RHOQ: variants seen among roughly 807,000 people sequenced by gnomAD.
The protein encoded by RHOQ is ras homolog family member Q, also known as rho-related GTP-binding protein RhoQ.
RHOQ carries 7 observed loss-of-function variants against 25.8 expected under a neutral mutation model. The ratio of observed to expected loss-of-function variants is 0.27; its 90% CI spans 0.15 to 0.51. The LOEUF (loss-of-function observed/expected upper bound fraction) is 0.51. Among genes scored for constraint, RHOQ ranks in the 20% least tolerant of loss-of-function variants. RHOQ has a pLI of 0.97. For missense variants in RHOQ, 165 were observed against 260.6 expected, an observed-to-expected ratio of 0.63 and a Z score of 2.53; for synonymous variants, 97 against 98.6, an observed-to-expected ratio of 0.98 and a Z score of 0.10.
In RHOQ at chr2:46,576,115, C is replaced by G; in HGVS notation, c.230C>G (p.Ser77Cys). 6.2e-7 allele frequency: 1 copy of G among 1,611,138 alleles called. No individual in the cohort carries two copies. Among genetic ancestry groups the G allele is most frequent in the Non-Finnish European group, 8.5e-7 (1 of 1,179,004 alleles). The change falls in exon 3 of 5, where the codon TCT (serine) becomes TGT (cysteine). Residue 77 changes from serine (S) to cysteine (C), a missense_variant. Transcript: ENST00000238738. This position sits in a 1 kb window ranked among gnomAD's most constrained non-coding sequence, Gnocchi z 5.1. Reference protein sequence around the residue: ...QEDYDRLRPLSYPMTDVFLIC... With the variant: ...QEDYDRLRPLCYPMTDVFLIC... ...GACTATGACCGTCTGAGGCCTTTAT[C>G]TTACCCAATGACCGATGTCTTCCTT...
chr2:46,571,420 T>C (rs979354152), intron 2 of RHOQ, among the ~76,000 whole-genome samples: 3 of 152,232 alleles, frequency 2.0e-5, no homozygotes, highest in African/African-American at 7.2e-5. Context: ...CTGCTGCACA[T>C]TCAAGTGCAT....
chr2:46,568,901 A>T (rs1460271999), intron 2 of RHOQ: 1 of 152,272 alleles, frequency 6.6e-6, no homozygotes, highest in African/African-American at 2.4e-5. Context: ...TATCAACATG[A>T]AATTTGTGCC....
At chr2:46,551,561 G>A (rs1208667738) in intron 2 of RHOQ, among the ~76,000 whole-genome samples, 1 of 152,148 alleles carries the variant, frequency 6.6e-6, no homozygotes, top group East Asian at 1.9e-4. Flanking sequence ...ACTAAATTAT[G>A]GAGTTTTTCA....
Position 46,552,137 on chromosome 2 carries a change from G to A in RHOQ, c.201+8325G>A, listed in dbSNP as rs1668260541. 6.6e-6 allele frequency among the ~76,000 whole-genome samples: 1 copy of A among 152,210 alleles called. No homozygotes were observed. The highest frequency in any genetic ancestry group is 6.5e-5 in the Admixed American group (1 of 15,282). ...TATCGCTTTTCTAGCTAGAAGAGAT[G>A]GTGGAACATTGTGTATAGGTGGAAC... On this transcript the variant is annotated intron_variant, in intron 2 of 4. Transcript: ENST00000238738. This position sits in a 1 kb window ranked among gnomAD's most constrained non-coding sequence, Gnocchi z 5.0.
At chr2:46,553,721 A>C (rs182339274) in intron 2 of RHOQ, among the ~76,000 whole-genome samples, 13 of 150,740 alleles carry the variant, frequency 8.6e-5, no homozygotes, top group African/African-American at 3.2e-4. Flanking sequence ...CTGGGACTAC[A>C]GGTGCCCGCC....
intron 2 of RHOQ, among the ~76,000 whole-genome samples, chr2:46,554,778 T>C (rs1186029868): frequency 6.7e-6 from 1 of 149,478 alleles, no homozygotes; most frequent in Non-Finnish European, 1.5e-5. Flanking sequence ...TTTACATTTT[T>C]TTCTTTCTTT....
At chr2:46,543,870 G>T in intron 2 of RHOQ, 58 bp downstream of exon 2, 1 of 1,507,218 alleles carries the variant, frequency 6.6e-7, no homozygotes, top group Non-Finnish European at 9.2e-7. Flanking sequence ...CTTTGTGGCT[G>T]CGAAGGGCCT....
chr2:46,578,379 TAC>T (rs1425399833), intron 4 of RHOQ, among the ~76,000 whole-genome samples: 1 of 151,704 alleles, frequency 6.6e-6, no homozygotes, highest in Non-Finnish European at 1.5e-5. Flanking sequence ...GGTCAAAGTG[TAC>T]AGTGTTAGGA....
chr2:46,575,444 A>ACAC (rs1491224983), intron 2 of RHOQ, among the ~76,000 whole-genome samples: 2 of 122,142 alleles, frequency 1.6e-5, no homozygotes, highest in Non-Finnish European at 3.8e-5. Flanking sequence ...CACACACACA[A>ACAC]TTAATAAAAC....
chr2:46,571,379 G>A (rs761034231), intron 2 of RHOQ, among the ~76,000 whole-genome samples: 75 of 152,354 alleles, frequency 4.9e-4, no homozygotes, highest in African/African-American at 1.4e-3. Flanking sequence ...TCTGCAAGGC[G>A]CTGGAGTGGT....
chr2:46,552,252 A>G lies in RHOQ; in HGVS notation c.201+8440A>G, dbSNP rs565618241. 6.6e-6 allele frequency among the ~76,000 whole-genome samples: 1 copy of G among 152,336 alleles called. No homozygotes were observed. The highest frequency in any genetic ancestry group is 6.5e-5 in the Admixed American group (1 of 15,302). On this transcript the variant is annotated intron_variant, in intron 2 of 4. Coordinates refer to ENST00000238738, the MANE Select transcript of RHOQ (RefSeq NM_012249.4). The surrounding 1 kb of genome is among the most constrained non-coding windows in gnomAD (Gnocchi z 5.0). Reference sequence around the variant, plus strand: ...TTTGTCACTTTGTCCCTAAACCACCATGCTTCCTCAAAAAGGAGCAGGCCC... The same window carrying G: ...TTTGTCACTTTGTCCCTAAACCACCGTGCTTCCTCAAAAAGGAGCAGGCCC...
At chr2:46,567,784 C>T (rs1668780649) in intron 2 of RHOQ, among the ~76,000 whole-genome samples, 1 of 152,066 alleles carries the variant, frequency 6.6e-6, no homozygotes, top group Admixed American at 6.6e-5. Context: ...AGTCTGAGGG[C>T]CGTGGCTCAT....
intron 2 of RHOQ, among the ~76,000 whole-genome samples, chr2:46,558,556 C>CTT (rs1469125549): frequency 6.6e-6 from 1 of 152,148 alleles, no homozygotes; most frequent in African/African-American, 2.4e-5. Flanking sequence ...CCCATTTTTC[C>CTT]TCTCTGAAAC....
In RHOQ at chr2:46,576,487, A is replaced by T; in HGVS notation, c.367-74A>T. ...ATCTTTTTTTGGTATGTGGGAATTAAGTGGGATTACATGCTTTGATTTTTC... is the reference window on the plus strand; with the variant it reads ...ATCTTTTTTTGGTATGTGGGAATTATGTGGGATTACATGCTTTGATTTTTC... On this transcript the variant is annotated intron_variant, in intron 3 of 4. Transcript: ENST00000238738. The surrounding 1 kb of genome is among the most constrained non-coding windows in gnomAD (Gnocchi z 5.1). The T allele has an allele frequency of 2.1e-6, 2 of 968,606 alleles. No homozygotes were observed. The highest frequency in any genetic ancestry group is 3.1e-6 in the Non-Finnish European group (2 of 638,740). The allele number at this position is 968,606 out of a possible 1,614,324, so 60.0% of individuals were successfully genotyped here.
In RHOQ at chr2:46,556,480, T is replaced by A. The variant is rs1156563858; in HGVS notation, c.201+12668T>A. ...TCTGATATTCTTTTTCTTAAAAAAT[T>A]TTTTTAATTTTTTTTTTTTTGTTCC... On this transcript the variant is annotated intron_variant, in intron 2 of 4. Coordinates refer to ENST00000238738, the MANE Select transcript of RHOQ (RefSeq NM_012249.4). The surrounding 1 kb of genome is among the most constrained non-coding windows in gnomAD (Gnocchi z 4.9). Among the ~76,000 whole-genome samples, 1 of 108,660 alleles carries A rather than the reference T, an allele frequency of 9.2e-6. No homozygotes were observed. The highest frequency in any genetic ancestry group is 2.0e-5 in the Non-Finnish European group (1 of 50,366). 71.3% of individuals were successfully genotyped at this position (108,660 alleles called of 152,430 possible).
At chr2:46,567,042 A>C (rs1045913798) in intron 2 of RHOQ, among the ~76,000 whole-genome samples, 11 of 152,166 alleles carry the variant, frequency 7.2e-5, no homozygotes, top group Admixed American at 1.3e-4. Context: ...CTTTTTACTT[A>C]TCCTCAAATG....
chr2:46,567,649 C>T (rs1332833232), intron 2 of RHOQ, among the ~76,000 whole-genome samples: 2 of 152,108 alleles, frequency 1.3e-5, no homozygotes, highest in Non-Finnish European at 2.9e-5. Flanking sequence ...GTCTCAGCCT[C>T]GCAGAGTGCT....
chr2:46,551,817 A>G (rs1351386706), intron 2 of RHOQ, among the ~76,000 whole-genome samples: 1 of 152,194 alleles, frequency 6.6e-6, no homozygotes, highest in African/African-American at 2.4e-5. Flanking sequence ...TGACATTTTT[A>G]CAGCACATAA....
intron 2 of RHOQ, 103 bp from the exon 3 acceptor site, chr2:46,575,984 G>C: frequency 1.1e-6 from 1 of 874,216 alleles, no homozygotes; most frequent in Non-Finnish European, 1.7e-6. Flanking sequence ...TCCACTAGTG[G>C]AGTACTCCTG....
Sources: gnomAD v4.1 joint callset for allele counts (sites outside exome capture counted in the v4.1 genomes callset) on GRCh38, gnomAD v4.1.1 for gene constraint, Gnocchi (gnomAD v3.1) non-coding constraint, MANE v1.5 for transcripts, NCBI Gene and HGNC (gene_info 2026-07-23, HGNC 2026-07-21) for gene names.